RIPOR3: variants seen among roughly 807,000 people sequenced by gnomAD.
The protein encoded by RIPOR3 is family with sequence similarity 65 member C.
In RIPOR3, 95 loss-of-function variants were observed where a neutral mutation model predicts 114.3. That is an observed-to-expected ratio of 0.83 (90% confidence interval 0.70 to 0.99). RIPOR3 has a LOEUF of 0.99. Ranked by LOEUF, RIPOR3 falls within the 50% of genes least tolerant of loss-of-function variation. The probability of loss-of-function intolerance (pLI) is 0.00; values close to 1 mark genes in which losing one functional copy is unlikely to be tolerated. For missense variants in RIPOR3, 1,252 were observed against 1,266.9 expected, an observed-to-expected ratio of 0.99 and a Z score of 0.18; for synonymous variants, 575 against 543.8, an observed-to-expected ratio of 1.06 and a Z score of -0.80.
At chr20:50,616,608 T>A in intron 3 of RIPOR3, among the ~76,000 whole-genome samples, 1 of 152,110 alleles carries the variant, frequency 6.6e-6, no homozygotes, top group East Asian at 1.9e-4. Flanking sequence ...CCTCCGAAAG[T>A]GCTGGGATTA....
At chr20:50,595,261 G>A (rs751966898) in intron 16 of RIPOR3, 108 bp downstream of exon 16, 1 of 1,428,634 alleles carries the variant, frequency 7.0e-7, no homozygotes, top group Non-Finnish European at 9.6e-7. Context: ...TCCACTCTGG[G>A]CCCCGATTAA....
chr20:50,594,481 C>T (rs1021936514), intron 17 of RIPOR3, 72 bp downstream of exon 17: 11 of 1,537,120 alleles, frequency 7.2e-6, no homozygotes, highest in South Asian at 3.7e-5. Flanking sequence ...CCAGCTGTGG[C>T]CACCCTGAAG....
At chr20:50,663,145 GTA>G (rs970389318) in intron 1 of RIPOR3, among the ~76,000 whole-genome samples, 1 of 146,956 alleles carries the variant, frequency 6.8e-6, no homozygotes, top group African/African-American at 2.5e-5. Flanking sequence ...GCACCTGTTT[GTA>G]GGCCCTGAGC....
At chr20:50,618,569 G>A (rs1293337783) in intron 3 of RIPOR3, among the ~76,000 whole-genome samples, 1 of 152,088 alleles carries the variant, frequency 6.6e-6, no homozygotes, top group Non-Finnish European at 1.5e-5. Context: ...CCTTCCAACT[G>A]CCCAACTTAA....
At chr20:50,615,917 G>T in intron 4 of RIPOR3, 85 bp downstream of exon 4, 3 of 1,305,634 alleles carry the variant, frequency 2.3e-6, no homozygotes, top group South Asian at 2.6e-5. Flanking sequence ...GTCACACCGT[G>T]ACATAGGCTA....
At chr20:50,614,749 A>G (rs1345096330) in intron 4 of RIPOR3, 1 of 169,142 alleles carries the variant, frequency 5.9e-6, no homozygotes, top group Non-Finnish European at 1.5e-5. Flanking sequence ...CAAATTTGTG[A>G]TTTGTCTGAA....
intron 1 of RIPOR3, among the ~76,000 whole-genome samples, chr20:50,640,246 T>C (rs1178447201): frequency 6.6e-6 from 1 of 151,922 alleles, no homozygotes; most frequent in Non-Finnish European, 1.5e-5. Flanking sequence ...GTCACCAGCC[T>C]AGGATGTGCA....
At chr20:50,645,843 T>C (rs957517875) in intron 1 of RIPOR3, 1 of 152,230 alleles carries the variant, frequency 6.6e-6, no homozygotes, top group African/African-American at 2.4e-5. Flanking sequence ...GCACGGGAAG[T>C]GGTCAAGGGT....
chr20:50,623,188 A>G lies in RIPOR3; in HGVS notation c.123-3056T>C, dbSNP rs1276756923. On this transcript the variant is annotated intron_variant, in intron 2 of 21. Coordinates refer to ENST00000327979, the MANE Select transcript of RIPOR3 (RefSeq NM_001290268.2). ...AGGCAGGAGAATCACTTGAACCGGG[A>G]GGCAGAGGTTGCAGTGAGCCGAGAT... Among the ~76,000 whole-genome samples the G allele has an allele frequency of 2.0e-5, 3 of 149,394 alleles. No individual in the cohort carries two copies. The East Asian group carries it at 6.1e-4, about 30-fold the overall frequency.
intron 1 of RIPOR3, among the ~76,000 whole-genome samples, chr20:50,666,447 T>C (rs1312560535): frequency 1.3e-5 from 2 of 151,368 alleles, no homozygotes; most frequent in East Asian, 2.0e-4. Context: ...TGGTCTCGAA[T>C]TCCTGACCTC....
intron 1 of RIPOR3, among the ~76,000 whole-genome samples, chr20:50,643,998 C>A (rs2085299395): frequency 6.6e-6 from 1 of 151,758 alleles, no homozygotes; most frequent in South Asian, 2.1e-4. Context: ...CAGGCGTGAG[C>A]CACCGCACCC....
chr20:50,623,641 C>T (rs1179089113), intron 2 of RIPOR3, among the ~76,000 whole-genome samples: 2 of 152,126 alleles, frequency 1.3e-5, no homozygotes, highest in Admixed American at 1.3e-4. Flanking sequence ...CAAGTAATGT[C>T]TCTGTAGAGC....
At position 50,609,602 on chromosome 20, in the gene RIPOR3, G is replaced by A. The variant is rs1458037907; in HGVS notation, c.547C>T (p.Leu183=). The A allele has an allele frequency of 7.1e-7, 1 of 1,414,852 alleles. No homozygotes were observed. The highest frequency in any genetic ancestry group is 1.6e-5 in the South Asian group (1 of 63,680). The allele number at this position is 1,414,852 out of a possible 1,614,324, so 87.6% of individuals were successfully genotyped here. The change falls in exon 7 of 22, where the codon CTG becomes TTG. Residue 183 remains leucine (L), a synonymous_variant. Coordinates refer to ENST00000327979, the MANE Select transcript of RIPOR3 (RefSeq NM_001290268.2). ...GCGCACTCGTGCAGGCTGCGGCCCA[G>A]CTCCTGCAGGCTCTCTCGGGCTGCG... is the stretch of plus-strand genomic sequence containing the variant. ...SRAARESLQE[L]GRSLHECAED...
intron 1 of RIPOR3, among the ~76,000 whole-genome samples, chr20:50,683,704 G>A (rs1216392979): frequency 6.6e-6 from 1 of 151,652 alleles, no homozygotes; most frequent in Non-Finnish European, 1.5e-5. Flanking sequence ...TGATCCACCT[G>A]CCTCGGCCTC....
chr20:50,614,084 G>C (rs2084073627), intron 4 of RIPOR3, among the ~76,000 whole-genome samples: 1 of 152,156 alleles, frequency 6.6e-6, no homozygotes, highest in African/African-American at 2.4e-5. Context: ...CGTCCAGGCT[G>C]GTGTGCAGTG....
intron 2 of RIPOR3, among the ~76,000 whole-genome samples, chr20:50,629,656 A>T (rs990616453): frequency 1.3e-5 from 2 of 151,692 alleles, no homozygotes; most frequent in East Asian, 3.9e-4. Flanking sequence ...TCATCCGGTA[A>T]CCCCCCACAG....
chr20:50,609,034 C>A, intron 8 of RIPOR3, 79 bp from the exon 9 acceptor site: 1 of 1,537,398 alleles, frequency 6.5e-7, no homozygotes, highest in Non-Finnish European at 8.8e-7. Flanking sequence ...TCTGGGGTTC[C>A]CCCGAGTATA....
In RIPOR3 at chr20:50,630,724, C is replaced by T. The variant is rs369698975; in HGVS notation, c.122+14G>A. 1.2e-5 allele frequency: 19 copies of T among 1,592,268 alleles called. No individual in the cohort carries two copies. The highest frequency in any genetic ancestry group is 5.2e-5 in the Admixed American group (3 of 57,510). ...CACCCCTGCACCCCGAAACAGGACA[C>T]GGGGGGAACTTACGCGATCCTCCGG... On this transcript the variant is annotated intron_variant, in intron 2 of 21. Coordinates refer to ENST00000327979, the MANE Select transcript of RIPOR3 (RefSeq NM_001290268.2).
rs550109837 is a variant in RIPOR3, at chr20:50,627,984, A to C, written c.122+2754T>G. ...CAGGGCACACAGCTGGGAGAGGGTC[A>C]CCTGGGCCGGATGGCCCCCTGGCCA... is the stretch of plus-strand genomic sequence containing the variant. On this transcript the variant is annotated intron_variant, in intron 2 of 21. Transcript: ENST00000327979. Among the ~76,000 whole-genome samples, 226 of 152,330 alleles carry C rather than the reference A, an allele frequency of 1.5e-3. 3 individuals carry two copies. The highest frequency in any genetic ancestry group is 5.3e-3 in the African/African-American group (219 of 41,568).
Sources: allele counts gnomAD v4.1 joint callset (sites outside exome capture counted in the v4.1 genomes callset), GRCh38; gene constraint gnomAD v4.1.1; transcripts MANE v1.5; gene names NCBI Gene and HGNC (gene_info 2026-07-23, HGNC 2026-07-21).